CNTFR: variants seen among roughly 807,000 people sequenced by gnomAD.
The protein encoded by CNTFR is ciliary neurotrophic factor receptor subunit alpha.
In CNTFR, 12 loss-of-function variants were observed where a neutral mutation model predicts 40.4. The observed-to-expected ratio is 0.30, with a 90% CI of 0.19 to 0.48. The LOEUF is 0.48. CNTFR is among the 20% of genes least tolerant of loss of function. The pLI is 0.99. For synonymous variants in CNTFR, 202 were observed against 209.6 expected (o/e 0.96, Z 0.31); for missense variants, 414 against 506.8 (o/e 0.82, Z 1.76).
chr9:34,553,698 C>A (rs937481091), intron 7 of CNTFR, among the ~76,000 whole-genome samples: 2 of 152,188 alleles, frequency 1.3e-5, no homozygotes, highest in Admixed American at 1.3e-4. Context: ...ACCCCACTCT[C>A]GCCCCGCTGG....
At chr9:34,569,234 C>T (rs1414361117) in intron 2 of CNTFR, among the ~76,000 whole-genome samples, 1 of 152,168 alleles carries the variant, frequency 6.6e-6, no homozygotes, top group Non-Finnish European at 1.5e-5. Flanking sequence ...TAATGGGGCT[C>T]AAGATCTTCT....
At chr9:34,573,996 T>C (rs1014616266) in intron 2 of CNTFR, among the ~76,000 whole-genome samples, 1 of 151,898 alleles carries the variant, frequency 6.6e-6, no homozygotes, top group South Asian at 2.1e-4. Context: ...CTGGAAGAGA[T>C]AGTCAGGGCA....
chr9:34,573,654 C>T lies in CNTFR; in HGVS notation c.1-4673G>A, dbSNP rs968556750. On this transcript the variant is annotated intron_variant, in intron 2 of 9. Transcript: ENST00000378980. ...GGGACTCCCCACAGCTTCCAGTCCC[C>T]GCTCTGACTCCCACAGCCCAGACTC... 5.3e-5 allele frequency among the ~76,000 whole-genome samples: 8 copies of T among 152,354 alleles called. No individual in the cohort carries two copies. The East Asian group carries it at 5.8e-4, about 11-fold the overall frequency.
At chr9:34,565,655 C>G (rs530339407) in intron 3 of CNTFR, among the ~76,000 whole-genome samples, 2 of 152,288 alleles carry the variant, frequency 1.3e-5, no homozygotes, top group East Asian at 3.9e-4. Flanking sequence ...GAGCCAAAAG[C>G]AAACCCCAGC....
chr9:34,590,667 TGCACTCTCAATGCCGGGCACAGGC>T (rs890472671), upstream of CNTFR, among the ~76,000 whole-genome samples: 5 of 151,812 alleles, frequency 3.3e-5, no homozygotes, highest in African/African-American at 1.2e-4. Context: ...GTAGGGAGGG[TGCACTCTCAATGCCGGGCACAGGC>T]GCACCCCTCG....
intron 1 of CNTFR, among the ~76,000 whole-genome samples, chr9:34,585,716 G>A (rs1827509100): frequency 6.6e-6 from 1 of 152,076 alleles, no homozygotes; most frequent in African/African-American, 2.4e-5. Context: ...AGCCCTTGTG[G>A]GTTTGGTCAC....
chr9:34,553,527 C>A (rs937533686), intron 7 of CNTFR, among the ~76,000 whole-genome samples: 12 of 152,228 alleles, frequency 7.9e-5, no homozygotes, highest in African/African-American at 2.2e-4. Flanking sequence ...AGCCTGGGTT[C>A]CCAGATGCCC....
chr9:34,590,677 A>G (rs1310142834), upstream of CNTFR, among the ~76,000 whole-genome samples: 1 of 152,120 alleles, frequency 6.6e-6, no homozygotes, highest in East Asian at 1.9e-4. Context: ...TGCACTCTCA[A>G]TGCCGGGCAC....
At chr9:34,563,552 AC>A (rs1328899433) in intron 4 of CNTFR, among the ~76,000 whole-genome samples, 1 of 152,156 alleles carries the variant, frequency 6.6e-6, no homozygotes, top group Admixed American at 6.6e-5. Context: ...TATTTCCTTC[AC>A]CTGCCAAACA....
chr9:34,556,444 C>A, intron 6 of CNTFR, 26 bp from the exon 7 acceptor site: 1 of 1,558,636 alleles, frequency 6.4e-7, no homozygotes, highest in South Asian at 1.2e-5. Flanking sequence ...AGCTTCATTA[C>A]TACACTAATC....
chr9:34,589,511 G>A lies in CNTFR; in HGVS notation c.-112+44C>T, dbSNP rs1277303212. 6.6e-6 allele frequency: 1 copy of A among 152,078 alleles called. No individual in the cohort carries two copies. The highest frequency in any genetic ancestry group is 6.6e-5 in the Admixed American group (1 of 15,266). 9.4% of individuals were successfully genotyped at this position (152,078 alleles called of 1,614,324 possible). On this transcript the variant is annotated intron_variant, in intron 1 of 9. Coordinates refer to ENST00000378980, the MANE Select transcript of CNTFR (RefSeq NM_147164.3). The surrounding 1 kb of genome is among the most constrained non-coding windows in gnomAD (Gnocchi z 4.4). ...GCCGCCGGTCTGCTGGTCAGCCCGG[G>A]CTCTGAGGGTCCGGCCGCGCGCACT...
chr9:34,552,596 G>T lies in CNTFR; in HGVS notation c.949+78C>A, dbSNP rs1220214101. Reference sequence around the variant, plus strand: ...CCGGGAGCAGAGGCTGGAGGCAGCAGGGTAGAACCAGGCCACAGGTTCTAC... The same window carrying T: ...CCGGGAGCAGAGGCTGGAGGCAGCATGGTAGAACCAGGCCACAGGTTCTAC... On this transcript the variant is annotated intron_variant, in intron 8 of 9. Coordinates refer to ENST00000378980, the MANE Select transcript of CNTFR (RefSeq NM_147164.3). The surrounding 1 kb of genome is among the most constrained non-coding windows in gnomAD (Gnocchi z 5.1). 25 of 1,456,216 alleles carry T rather than the reference G, an allele frequency of 1.7e-5. No individual in the cohort carries two copies. Among genetic ancestry groups the T allele is most frequent in the Admixed American group, 6.2e-5 (3 of 48,330 alleles). The allele number at this position is 1,456,216 out of a possible 1,614,324, so 90.2% of individuals were successfully genotyped here. A position where few individuals can be genotyped will look rare whatever the true frequency, so the allele number is the denominator to read the frequency against.
rs749756275 is a variant in CNTFR, at chr9:34,552,213, T to G, written c.1066A>C (p.Ile356Leu). The G allele has an allele frequency of 2.5e-6, 4 of 1,578,112 alleles. No individual in the cohort carries two copies. The South Asian group carries it at 4.6e-5, about 18-fold the overall frequency. The change falls in exon 9 of 10, where the codon ATC becomes CTC. Residue 356 changes from isoleucine (I) to leucine (L), a missense_variant. Physicochemically the swap from Ile to Leu is conservative, Grantham distance 5. Transcript: ENST00000378980. The surrounding 1 kb of genome is among the most constrained non-coding windows in gnomAD (Gnocchi z 5.1). ...GCAGCGGCAGCCAGGGCCAGAGTGA[T>G]GGGGACGCTGACCAAGAAGGGTGCC... ...PSAPFLVSVP[I>L]TLALAAAAAT...
Position 34,557,193 on chromosome 9 carries a change from G to GC in CNTFR, c.604+332_604+333insG, listed in dbSNP as rs1491126997. On this transcript the variant is annotated intron_variant, in intron 6 of 9. Coordinates refer to ENST00000378980, the MANE Select transcript of CNTFR (RefSeq NM_147164.3). The surrounding 1 kb of genome is among the most constrained non-coding windows in gnomAD (Gnocchi z 4.2). ...AGTCCGTAAGGAAGCCATTAGAGTTGGGGGGGGGTGCGGTGGAGGCTGCAG... is the reference window on the plus strand; with the variant it reads ...AGTCCGTAAGGAAGCCATTAGAGTTGCGGGGGGGGTGCGGTGGAGGCTGCAG... Among the ~76,000 whole-genome samples, 1 of 31,302 alleles carries GC rather than the reference G, an allele frequency of 3.2e-5. No homozygotes were observed. Among genetic ancestry groups the GC allele is most frequent in the Non-Finnish European group, 1.7e-4 (1 of 5,996 alleles). 20.5% of individuals were successfully genotyped at this position (31,302 alleles called of 152,430 possible). A position where few individuals can be genotyped will look rare whatever the true frequency, so the allele number is the denominator to read the frequency against.
chr9:34,552,291 G>C lies in CNTFR; in HGVS notation c.988C>G (p.Pro330Ala). 1 of 1,544,914 alleles carries C rather than the reference G, an allele frequency of 6.5e-7. No individual in the cohort carries two copies. The stretch of plus-strand genomic sequence containing the variant: ...CCAGGGTCACAGATCTTCGTGGTAG[G>C]TGGGGGTGCCAGGGAGCTGGTGGTG... ...TSTTSSLAPP[P>A]TTKICDPGEL... The change falls in exon 9 of 10, where the codon CCT becomes GCT. Residue 330 changes from proline to alanine, a missense_variant. By Grantham distance (27) the Pro-to-Ala change is conservative (BLOSUM62 -1). Coordinates refer to ENST00000378980, the MANE Select transcript of CNTFR (RefSeq NM_147164.3). This position sits in a 1 kb window ranked among gnomAD's most constrained non-coding sequence, Gnocchi z 5.1.
chr9:34,578,496 G>A (rs1428727829), intron 2 of CNTFR, among the ~76,000 whole-genome samples: 1 of 152,172 alleles, frequency 6.6e-6, no homozygotes, highest in Non-Finnish European at 1.5e-5. Context: ...AGGCCAACTC[G>A]GGCAGACCAC....
intron 2 of CNTFR, among the ~76,000 whole-genome samples, chr9:34,577,655 C>CG (rs1396680372): frequency 6.6e-6 from 1 of 152,040 alleles, no homozygotes; most frequent in Non-Finnish European, 1.5e-5. Context: ...CTGTAGCCCC[C>CG]CTTCCACTCA....
In CNTFR at chr9:34,556,361, C is replaced by A; in HGVS notation, c.662G>T (p.Arg221Leu). The A allele has an allele frequency of 1.2e-6, 2 of 1,613,908 alleles. No homozygotes were observed. Among genetic ancestry groups the A allele is most frequent in the Non-Finnish European group, 1.7e-6 (2 of 1,179,960 alleles). The change falls in exon 7 of 10, where the codon CGG (arginine) becomes CTG (leucine). Residue 221 changes from arginine to leucine, a missense_variant. By Grantham distance (102) the Arg-to-Leu change is moderately radical. This residue lies in a region of CNTFR where 83 missense variants were observed against 145.0 expected (regional missense o/e 0.57). Coordinates refer to ENST00000378980, the MANE Select transcript of CNTFR (RefSeq NM_147164.3). ...VARPVPSNPR[R>L]LEVTWQTPST... is the part of the protein sequence containing the mutation. Reference sequence around the variant, plus strand: ...GGGGGTCTGCCACGTCACCTCCAGCCGGCGAGGGTTGCTGGGCACTGGCCG... The same window carrying A: ...GGGGGTCTGCCACGTCACCTCCAGCAGGCGAGGGTTGCTGGGCACTGGCCG...
intron 6 of CNTFR, among the ~76,000 whole-genome samples, chr9:34,556,886 A>G (rs901052948): frequency 6.6e-6 from 1 of 152,130 alleles, no homozygotes; most frequent in African/African-American, 2.4e-5. Flanking sequence ...AGGGTAAAAG[A>G]CAGTCCACAG....
Sources: allele counts gnomAD v4.1 joint callset (sites outside exome capture counted in the v4.1 genomes callset), GRCh38; gene constraint gnomAD v4.1.1; regional missense constraint gnomAD v4.1.1; non-coding constraint Gnocchi (gnomAD v3.1); transcripts MANE v1.5; gene names NCBI Gene and HGNC (gene_info 2026-07-23, HGNC 2026-07-21).